DIS3L2: variants seen among roughly 807,000 people sequenced by gnomAD.
DIS3L2 encodes DIS3-like exonuclease 2.
In DIS3L2, 34 loss-of-function variants were observed where a neutral mutation model predicts 97.5. That is an observed-to-expected ratio of 0.35 (90% CI 0.27 to 0.46). DIS3L2 has a LOEUF of 0.46. Ranked by LOEUF, DIS3L2 falls within the 20% of genes least tolerant of loss-of-function variation. The pLI, the probability that DIS3L2 is intolerant of heterozygous loss-of-function variation, is 1.00. For synonymous variants in DIS3L2, 435 were observed against 445.2 expected (o/e 0.98, Z 0.29); for missense variants, 1,038 against 1,146.0 (o/e 0.91, Z 1.36).
intron 9 of DIS3L2, among the ~76,000 whole-genome samples, chr2:232,188,662 G>A (rs1196322875): frequency 4.6e-5 from 7 of 152,178 alleles, no homozygotes; most frequent in African/African-American, 1.7e-4. Context: ...CAGGATGTAG[G>A]ACTAGAGAAA....
At chr2:232,339,786 G>A, downstream of DIS3L2, 1 of 452,744 alleles carries the variant, frequency 2.2e-6, no homozygotes, top group Non-Finnish European at 4.4e-6. Context: ...AGGATGGGAT[G>A]TGCAGCTGTG....
At chr2:232,320,269 C>T (rs1166250504) in intron 14 of DIS3L2, among the ~76,000 whole-genome samples, 1 of 152,146 alleles carries the variant, frequency 6.6e-6, no homozygotes, top group East Asian at 1.9e-4. Context: ...AGAATGAATG[C>T]AGAGCTCTGC....
intron 5 of DIS3L2, among the ~76,000 whole-genome samples, chr2:232,047,669 G>C (rs144362444): frequency 5.3e-5 from 8 of 152,262 alleles, no homozygotes; most frequent in Middle Eastern, 3.4e-3. Flanking sequence ...TCTAATTCCA[G>C]AATATTATTC....
intron 10 of DIS3L2, among the ~76,000 whole-genome samples, chr2:232,223,192 G>A (rs1692551074): frequency 6.6e-6 from 1 of 152,136 alleles, no homozygotes; most frequent in African/African-American, 2.4e-5. Context: ...CAAGTATCTG[G>A]CACCAAGGTA....
chr2:232,016,409 A>T (rs1694354498), intron 3 of DIS3L2, among the ~76,000 whole-genome samples: 2 of 152,084 alleles, frequency 1.3e-5, no homozygotes, highest in African/African-American at 4.8e-5. Context: ...TGATTTGGGG[A>T]TAAAATGGCA....
At chr2:231,972,350 A>G (rs1415623562) in intron 1 of DIS3L2, among the ~76,000 whole-genome samples, 1 of 152,104 alleles carries the variant, frequency 6.6e-6, no homozygotes, top group Non-Finnish European at 1.5e-5. Context: ...GACTGGCACC[A>G]CAGTAGACTC....
intron 13 of DIS3L2, among the ~76,000 whole-genome samples, chr2:232,290,898 AT>A (rs1694582689): frequency 6.6e-6 from 1 of 152,142 alleles, no homozygotes; most frequent in African/African-American, 2.4e-5. Flanking sequence ...AGAAGGATGT[AT>A]TTTTCTTGAA....
intron 5 of DIS3L2, among the ~76,000 whole-genome samples, chr2:232,086,367 GTATA>G (rs1279220203): frequency 9.7e-5 from 13 of 134,510 alleles, no homozygotes; most frequent in East Asian, 4.1e-4. Flanking sequence ...ATGTGTATAT[GTATA>G]TGTATATGTA....
At chr2:232,280,211 A>C (rs1694246249) in intron 13 of DIS3L2, among the ~76,000 whole-genome samples, 1 of 152,112 alleles carries the variant, frequency 6.6e-6, no homozygotes, top group Non-Finnish European at 1.5e-5. Flanking sequence ...TTTGGGATGG[A>C]GTTGGTCCTA....
downstream of DIS3L2, chr2:232,337,229 T>G: frequency 1.1e-6 from 1 of 898,404 alleles, no homozygotes; most frequent in Non-Finnish European, 1.3e-6. Flanking sequence ...CGAATGTGAC[T>G]GTGTCTGACG....
intron 13 of DIS3L2, among the ~76,000 whole-genome samples, chr2:232,264,247 C>T (rs987342870): frequency 3.9e-5 from 6 of 152,228 alleles, no homozygotes; most frequent in African/African-American, 9.6e-5. Flanking sequence ...TCCTGCTGTG[C>T]GGCCTGGTTC....
intron 9 of DIS3L2, among the ~76,000 whole-genome samples, chr2:232,165,450 T>G (rs1426742354): frequency 1.3e-5 from 2 of 151,490 alleles, no homozygotes; most frequent in Admixed American, 1.3e-4. Context: ...CCATGGAGAG[T>G]GGATTCAGTG....
At chr2:232,136,441 A>G (rs145001670) in intron 7 of DIS3L2, 31 bp from the exon 8 acceptor site, 1 of 1,609,278 alleles carries the variant, frequency 6.2e-7, no homozygotes, top group East Asian at 2.2e-5. Flanking sequence ...CTGCAGATAA[A>G]CAACATTGAC....
chr2:232,011,555 G>A (rs1694201391), intron 1 of DIS3L2, among the ~76,000 whole-genome samples: 1 of 152,044 alleles, frequency 6.6e-6, no homozygotes, highest in South Asian at 2.1e-4. Context: ...GTTTCTCTAT[G>A]TTGGTCAGGC....
intron 9 of DIS3L2, 63 bp from the exon 10 acceptor site, chr2:232,210,263 C>T (rs995774305): frequency 5.4e-6 from 7 of 1,298,214 alleles, no homozygotes; most frequent in Admixed American, 1.7e-5. Context: ...TAAAGCTGTA[C>T]TATGGTGGGG....
At chr2:232,166,268 A>C (rs775023383) in intron 9 of DIS3L2, among the ~76,000 whole-genome samples, 8 of 152,106 alleles carry the variant, frequency 5.3e-5, no homozygotes, top group Admixed American at 2.0e-4. Context: ...AAGGGAAAAA[A>C]GAAAAGAAAC....
At chr2:232,088,390 C>CAAAAAAAAAAAAAAAAAAAA (rs778505065) in intron 6 of DIS3L2, among the ~76,000 whole-genome samples, 1 of 55,718 alleles carries the variant, frequency 1.8e-5, no homozygotes, top group Non-Finnish European at 3.8e-5. Context: ...ACTAAAAATA[C>CAAAAAAAAAAAAAAAAAAAA]AAAAAAAAAA....
chr2:232,056,470 A>G (rs971505439), intron 5 of DIS3L2, among the ~76,000 whole-genome samples: 3 of 152,188 alleles, frequency 2.0e-5, no homozygotes, highest in Admixed American at 6.5e-5. Flanking sequence ...CAAAAATACC[A>G]CAAGGAAAGT....
intron 13 of DIS3L2, among the ~76,000 whole-genome samples, chr2:232,287,385 C>CCG: frequency 4.3e-5 from 1 of 23,396 alleles, no homozygotes; most frequent in Admixed American, 3.8e-4. Context: ...TCCTTCCCCC[C>CCG]GCGCCCCCCC....
Sources: allele counts gnomAD v4.1 joint callset (sites outside exome capture counted in the v4.1 genomes callset), GRCh38; gene constraint gnomAD v4.1.1; transcripts MANE v1.5; gene names NCBI Gene and HGNC (gene_info 2026-07-23, HGNC 2026-07-21).